The following STPG2 variants were observed in gnomAD, a reference collection of about 807,000 sequenced individuals.
The protein encoded by STPG2 is sperm tail PG-rich repeat containing 2.
Under a neutral mutation model 54.2 loss-of-function variants are expected in STPG2, and 56 were observed. The observed-to-expected ratio is 1.03, with a 90% CI of 0.83 to 1.29. STPG2 has a LOEUF of 1.29. Among genes scored for constraint, STPG2 ranks in the 50% most tolerant of loss-of-function variants. The pLI, the probability that STPG2 is intolerant of heterozygous loss-of-function variation, is 0.00. For synonymous variants in STPG2, 200 were observed against 181.8 expected (o/e 1.10, Z -0.81); for missense variants, 596 against 544.9 (o/e 1.09, Z -0.93).
At chr4:97,530,243 G>A (rs566752383) in intron 4 of STPG2, among the ~76,000 whole-genome samples, 1 of 152,272 alleles carries the variant, frequency 6.6e-6, no homozygotes, top group African/African-American at 2.4e-5. Flanking sequence ...TTCTCCTAGT[G>A]ATAATACAGA....
At chr4:98,039,915 G>A (rs984507358) in intron 5 of STPG2, among the ~76,000 whole-genome samples, 4 of 151,628 alleles carry the variant, frequency 2.6e-5, no homozygotes, top group Non-Finnish European at 5.9e-5. Context: ...TTCCATAAAG[G>A]CTGTACTAAT....
intron 10 of STPG2, among the ~76,000 whole-genome samples, chr4:97,659,521 CT>C (rs1712568454): frequency 6.6e-6 from 1 of 152,210 alleles, no homozygotes; most frequent in African/African-American, 2.4e-5. Flanking sequence ...CACTCTCACA[CT>C]TTATGTCAGC....
intron 8 of STPG2, among the ~76,000 whole-genome samples, chr4:97,936,477 G>A (rs1462104079): frequency 6.6e-6 from 1 of 152,086 alleles, no homozygotes; most frequent in Non-Finnish European, 1.5e-5. Flanking sequence ...TTGTTTCATT[G>A]GTCTTTGTGC....
chr4:97,511,714 A>G (rs1344550161), intron 4 of STPG2, among the ~76,000 whole-genome samples: 1 of 152,124 alleles, frequency 6.6e-6, no homozygotes, highest in Non-Finnish European at 1.5e-5. Context: ...GTATTACTTG[A>G]GGATCGCTTA....
chr4:97,679,470 G>T (rs1722959076), intron 10 of STPG2, among the ~76,000 whole-genome samples: 1 of 151,816 alleles, frequency 6.6e-6, no homozygotes, highest in African/African-American at 2.4e-5. Context: ...TTTTGATGGG[G>T]TTGTTTGTTT....
chr4:97,462,628 A>C (rs536098855), intron 4 of STPG2, among the ~76,000 whole-genome samples: 3 of 151,804 alleles, frequency 2.0e-5, no homozygotes, highest in African/African-American at 7.2e-5. Context: ...ATCTTTTGTT[A>C]GTTCTTTTTG....
chr4:98,132,659 T>A (rs1740030577), intron 2 of STPG2, among the ~76,000 whole-genome samples: 1 of 151,958 alleles, frequency 6.6e-6, no homozygotes, highest in African/African-American at 2.4e-5. Context: ...TTACAATTAA[T>A]TTCTACTTGA....
At chr4:97,674,677 C>T (rs1347768243) in intron 10 of STPG2, among the ~76,000 whole-genome samples, 1 of 152,164 alleles carries the variant, frequency 6.6e-6, no homozygotes, top group African/African-American at 2.4e-5. Flanking sequence ...TTGCCTAAAA[C>T]CACAAAGCAC....
intron 10 of STPG2, among the ~76,000 whole-genome samples, chr4:97,618,915 T>A (rs1733937249): frequency 6.6e-6 from 1 of 152,174 alleles, no homozygotes; most frequent in Non-Finnish European, 1.5e-5. Flanking sequence ...TAAATTTCTA[T>A]CTTCATACAT....
At chr4:97,714,340 C>A (rs1472153870) in intron 9 of STPG2, among the ~76,000 whole-genome samples, 1 of 152,068 alleles carries the variant, frequency 6.6e-6, no homozygotes, top group Admixed American at 6.6e-5. Context: ...TAGGCTCTAG[C>A]CCAATCATTC....
chr4:97,855,735 T>C (rs1273985329), intron 8 of STPG2, among the ~76,000 whole-genome samples: 1 of 152,232 alleles, frequency 6.6e-6, no homozygotes, highest in Non-Finnish European at 1.5e-5. Context: ...CATGAAATCT[T>C]TGTCCATGCC....
chr4:97,682,727 G>A (rs1465936206), intron 10 of STPG2, among the ~76,000 whole-genome samples: 2 of 151,738 alleles, frequency 1.3e-5, no homozygotes, highest in African/African-American at 4.8e-5. Flanking sequence ...GGGAAACAGA[G>A]CCATATAAAC....
At position 98,025,918 on chromosome 4, in the gene STPG2, A is replaced by G. The variant is rs868647636; in HGVS notation, c.613-44600T>C. Reference sequence around the variant, plus strand: ...GCTTGTCTATCCCTCACAGTACCAAATGATTCCCTGGTTATGATTCTGAAA... The same window carrying G: ...GCTTGTCTATCCCTCACAGTACCAAGTGATTCCCTGGTTATGATTCTGAAA... On this transcript the variant is annotated intron_variant, in intron 5 of 10. Coordinates refer to ENST00000295268, the MANE Select transcript of STPG2 (RefSeq NM_174952.3). 38 of 1,504,198 alleles carry G rather than the reference A, an allele frequency of 2.5e-5. 1 individual carries two copies. The Middle Eastern group carries it at 1.8e-3, about 69-fold the overall frequency. 93.2% of individuals were successfully genotyped at this position (1,504,198 alleles called of 1,614,324 possible). A position where few individuals can be genotyped will look rare whatever the true frequency, so the allele number is the denominator to read the frequency against.
chr4:97,480,346 G>A (rs1730187615), intron 4 of STPG2, among the ~76,000 whole-genome samples: 1 of 151,484 alleles, frequency 6.6e-6, no homozygotes, highest in Non-Finnish European at 1.5e-5. Context: ...AAATGAAATG[G>A]GAGGCACAGA....
chr4:97,486,866 C>T (rs568979368), intron 4 of STPG2, among the ~76,000 whole-genome samples: 442 of 137,460 alleles, frequency 3.2e-3, no homozygotes, highest in African/African-American at 5.5e-3. Context: ...TACAAACACA[C>T]ACACACACAC....
chr4:97,687,483 G>A (rs1277901736), intron 10 of STPG2, among the ~76,000 whole-genome samples: 2 of 152,046 alleles, frequency 1.3e-5, no homozygotes, highest in African/African-American at 2.4e-5. Flanking sequence ...GGGATTACAG[G>A]CGCATGCCAC....
chr4:97,532,799 C>A (rs1347950434), intron 4 of STPG2, among the ~76,000 whole-genome samples: 1 of 152,172 alleles, frequency 6.6e-6, no homozygotes, highest in Non-Finnish European at 1.5e-5. Context: ...AGAAGATACA[C>A]ATTTAAACAC....
At chr4:97,579,542 G>T (rs914786584) in intron 10 of STPG2, among the ~76,000 whole-genome samples, 1 of 151,966 alleles carries the variant, frequency 6.6e-6, no homozygotes, top group Non-Finnish European at 1.5e-5. Context: ...TAATCACAAA[G>T]TTAAGAATGG....
At chr4:97,878,158 G>C (rs974099619) in intron 8 of STPG2, among the ~76,000 whole-genome samples, 1 of 152,160 alleles carries the variant, frequency 6.6e-6, no homozygotes, top group African/African-American at 2.4e-5. Flanking sequence ...CTGTGGCTTT[G>C]CAGGGTACAG....
Sources: allele counts gnomAD v4.1 joint callset (sites outside exome capture counted in the v4.1 genomes callset), GRCh38; gene constraint gnomAD v4.1.1; transcripts MANE v1.5; gene names NCBI Gene and HGNC (gene_info 2026-07-23, HGNC 2026-07-21).